DHRSX: variants seen among roughly 807,000 people sequenced by gnomAD.
DHRSX encodes polyprenol dehydrogenase.
A neutral mutation model predicts 34.0 loss-of-function variants in DHRSX; 31 were observed. The ratio of observed to expected loss-of-function variants is 0.91; its 90% CI spans 0.69 to 1.23. The LOEUF is 1.23. Among genes scored for constraint, DHRSX ranks in the 50% most tolerant of loss-of-function variants. The probability of loss-of-function intolerance (pLI) is 0.00; values close to 1 mark genes in which losing one functional copy is unlikely to be tolerated. For missense variants in DHRSX, 414 were observed against 428.1 expected (o/e 0.97, Z 0.29); for synonymous variants, 201 against 183.8 (o/e 1.09, Z -0.76).
chrX:2,285,050 T>C (rs1038693785), intron 4 of DHRSX, among the ~76,000 whole-genome samples: 1 of 152,054 alleles, frequency 6.6e-6, no homozygotes, highest in Non-Finnish European at 1.5e-5. Context: ...GGGGAAATAG[T>C]TTAGGGCAGC....
At chrX:2,392,914 T>C (rs2043352702) in intron 3 of DHRSX, among the ~76,000 whole-genome samples, 1 of 142,194 alleles carries the variant, frequency 7.0e-6, no homozygotes, top group Non-Finnish European at 1.5e-5. Context: ...ATGTTTTATA[T>C]ATAAATATAT....
chrX:2,493,355 G>A (rs1273338685), intron 1 of DHRSX, among the ~76,000 whole-genome samples: 1 of 151,976 alleles, frequency 6.6e-6, no homozygotes, highest in Non-Finnish European at 1.5e-5. Flanking sequence ...GCTGAAACAG[G>A]TTTTGGTAAT....
intron 5 of DHRSX, among the ~76,000 whole-genome samples, chrX:2,255,638 C>T (rs748675362): frequency 6.6e-5 from 10 of 152,056 alleles, no homozygotes; most frequent in Admixed American, 1.3e-4. Context: ...TGGCCAGGCA[C>T]GGTGGGTCAC....
chrX:2,383,012 C>A (rs1190673939), intron 3 of DHRSX, among the ~76,000 whole-genome samples: 1 of 151,386 alleles, frequency 6.6e-6, no homozygotes, highest in African/African-American at 2.4e-5. Context: ...TCACCAACAT[C>A]ATTATCATTT....
intron 3 of DHRSX, among the ~76,000 whole-genome samples, chrX:2,305,478 T>G (rs1171622582): frequency 6.6e-6 from 1 of 152,048 alleles, no homozygotes; most frequent in Non-Finnish European, 1.5e-5. Context: ...GACCCAGCAA[T>G]CCCATGACTG....
intron 5 of DHRSX, among the ~76,000 whole-genome samples, chrX:2,257,095 A>G (rs2041289996): frequency 6.6e-6 from 1 of 152,152 alleles, no homozygotes; most frequent in Non-Finnish European, 1.5e-5. Context: ...AGCAGGGATT[A>G]CAGGTGTGCA....
chrX:2,432,437 T>C (rs1350635591), intron 1 of DHRSX, among the ~76,000 whole-genome samples: 1 of 152,186 alleles, frequency 6.6e-6, no homozygotes, highest in Non-Finnish European at 1.5e-5. Context: ...TGTACAAAGA[T>C]TGAGAACACA....
chrX:2,258,595 A>G (rs1279832518), intron 5 of DHRSX, among the ~76,000 whole-genome samples: 1 of 151,866 alleles, frequency 6.6e-6, no homozygotes, highest in Non-Finnish European at 1.5e-5. Flanking sequence ...CCACACCCAC[A>G]CCTTGATCTG....
intron 3 of DHRSX, among the ~76,000 whole-genome samples, chrX:2,371,702 TCCC>T (rs906349833): frequency 6.9e-6 from 1 of 145,362 alleles, no homozygotes; most frequent in Non-Finnish European, 1.5e-5. Flanking sequence ...CCCCTCCTCC[TCCC>T]ATTATCACAG....
At chrX:2,273,772 T>C (rs888193097) in intron 4 of DHRSX, among the ~76,000 whole-genome samples, 7 of 152,328 alleles carry the variant, frequency 4.6e-5, no homozygotes, top group Non-Finnish European at 1.0e-4. Flanking sequence ...GGATAATGGC[T>C]TGCAGCTCTG....
intron 5 of DHRSX, among the ~76,000 whole-genome samples, chrX:2,250,237 A>C (rs1286073887): frequency 2.0e-5 from 3 of 151,868 alleles, no homozygotes; most frequent in African/African-American, 4.8e-5. Flanking sequence ...CACATCTGTA[A>C]TCCCAGCAGA....
At chrX:2,360,488 C>T (rs762665239) in intron 3 of DHRSX, among the ~76,000 whole-genome samples, 7 of 152,106 alleles carry the variant, frequency 4.6e-5, no homozygotes, top group Non-Finnish European at 1.0e-4. Context: ...GAGGCTGAGG[C>T]AGGAGAATCG....
intron 1 of DHRSX, among the ~76,000 whole-genome samples, chrX:2,479,935 C>T (rs2044744334): frequency 6.6e-6 from 1 of 152,294 alleles, no homozygotes; most frequent in Non-Finnish European, 1.5e-5. Flanking sequence ...ACTGGGAAGA[C>T]GTTCACTAAA....
At chrX:2,352,015 C>T (rs9785598) in intron 3 of DHRSX, among the ~76,000 whole-genome samples, 2,267 of 152,218 alleles carry the variant, frequency 0.015, 52 homozygotes, top group African/African-American at 0.052. Flanking sequence ...TCACCGTGCC[C>T]AGCCTGGAAC....
chrX:2,495,441 T>C (rs1386833925), intron 1 of DHRSX, among the ~76,000 whole-genome samples: 25 of 152,290 alleles, frequency 1.6e-4, no homozygotes, highest in Non-Finnish European at 1.5e-5. Context: ...ACAGGTCTAG[T>C]ACCTGGAGTG....
intron 1 of DHRSX, among the ~76,000 whole-genome samples, chrX:2,492,155 C>G (rs1232163768): frequency 6.6e-6 from 1 of 152,170 alleles, no homozygotes; most frequent in Non-Finnish European, 1.5e-5. Context: ...CTGTATCCAC[C>G]TGGTACTTGT....
intron 6 of DHRSX, among the ~76,000 whole-genome samples, chrX:2,232,285 T>TCTC (rs2015912821): frequency 6.6e-6 from 1 of 152,102 alleles, no homozygotes; most frequent in African/African-American, 2.4e-5. Context: ...TGTTCACTTG[T>TCTC]GTGAGGCTGG....
At chrX:2,283,263 GCCAACA>G (rs2041753685) in intron 4 of DHRSX, among the ~76,000 whole-genome samples, 1 of 151,940 alleles carries the variant, frequency 6.6e-6, no homozygotes, top group Non-Finnish European at 1.5e-5. Context: ...CCATGCTGCT[GCCAACA>G]CCAACACTAA....
rs766623975 is a variant in DHRSX at position 2,464,247 on chromosome X, G to T, written c.109+36570C>A. 3.7e-4 allele frequency among the ~76,000 whole-genome samples: 56 copies of T among 151,494 alleles called. No individual in the cohort carries two copies. In the South Asian group the frequency reaches 0.011, roughly 29 times the overall value. On this transcript the variant is annotated intron_variant, in intron 1 of 6. Transcript: ENST00000334651. Reference sequence around the variant, plus strand: ...GACATTCCCTAAGCACGTGGCCCAAGGGACCATTGCCCTTTGCACATTGAA... The same window carrying T: ...GACATTCCCTAAGCACGTGGCCCAATGGACCATTGCCCTTTGCACATTGAA...
Sources: gnomAD v4.1 joint callset for allele counts (sites outside exome capture counted in the v4.1 genomes callset) on GRCh38, gnomAD v4.1.1 for gene constraint, MANE v1.5 for transcripts, NCBI Gene and HGNC (gene_info 2026-07-23, HGNC 2026-07-21) for gene names.